The following KIAA0825 variants were observed in gnomAD, a reference collection of about 807,000 sequenced individuals.
KIAA0825 encodes KIAA0825.
KIAA0825 carries 119 observed loss-of-function variants against 147.6 expected under a neutral mutation model. That is an observed-to-expected ratio of 0.81 (90% CI 0.69 to 0.94). KIAA0825 has a LOEUF of 0.94. Among genes scored for constraint, KIAA0825 ranks in the 40% least tolerant of loss-of-function variants. The pLI is 0.00. For synonymous variants in KIAA0825, 470 were observed against 518.1 expected (o/e 0.91, Z 1.26); for missense variants, 1,381 against 1,472.7 (o/e 0.94, Z 1.02).
intron 14 of KIAA0825, among the ~76,000 whole-genome samples, chr5:94,425,115 G>A (rs1754684728): frequency 6.6e-6 from 1 of 152,118 alleles, no homozygotes; most frequent in Admixed American, 6.6e-5. Flanking sequence ...AGAAGGGAAT[G>A]TTTCTTAACT....
At chr5:94,160,893 G>A (rs1767516604) in intron 20 of KIAA0825, among the ~76,000 whole-genome samples, 1 of 152,064 alleles carries the variant, frequency 6.6e-6, no homozygotes, top group African/African-American at 2.4e-5. Flanking sequence ...AATCAGAGGG[G>A]AAAGTAATGT....
In KIAA0825 at chr5:94,396,701, G is replaced by GTT. The variant is rs199881348; in HGVS notation, c.2888-194_2888-193dup. 3.8e-3 allele frequency among the ~76,000 whole-genome samples: 555 copies of GTT among 145,214 alleles called. 5 individuals carry two copies. Among genetic ancestry groups the GTT allele is most frequent in the Middle Eastern group, 0.019 (5 of 270 alleles). On this transcript the variant is annotated intron_variant, in intron 16 of 20. Coordinates refer to ENST00000682413, the MANE Select transcript of KIAA0825 (RefSeq NM_001145678.3). ...CTAAAATTCCCCCAAATCAAAATCT[G>GTT]TTTTTTTTTTTCTCTCATAAATGAT...
In KIAA0825 at chr5:94,522,378, T is replaced by C. The variant is rs527838834; in HGVS notation, c.301-1461A>G. On this transcript the variant is annotated intron_variant, in intron 4 of 20. Coordinates refer to ENST00000682413, the MANE Select transcript of KIAA0825 (RefSeq NM_001145678.3). ...CTTAGATAGGACACATCAGCATTAC[T>C]GTAAATTCTATAAAGCAAATGAGTC... Among the ~76,000 whole-genome samples the C allele has an allele frequency of 2.6e-4, 40 of 151,894 alleles. 1 individual carries two copies. In the South Asian group the frequency reaches 4.3e-3, roughly 17 times the overall value.
intron 15 of KIAA0825, among the ~76,000 whole-genome samples, chr5:94,410,198 G>GAAAA (rs70978107): frequency 7.3e-6 from 1 of 137,132 alleles, no homozygotes. Context: ...AGACACTGCA[G>GAAAA]AAAAAAAAAA....
At chr5:94,420,792 T>C (rs1191836892) in intron 14 of KIAA0825, among the ~76,000 whole-genome samples, 1 of 152,152 alleles carries the variant, frequency 6.6e-6, no homozygotes, top group Non-Finnish European at 1.5e-5. Flanking sequence ...AACAATGTTT[T>C]AATGCTAAGG....
intron 2 of KIAA0825, among the ~76,000 whole-genome samples, chr5:94,563,219 G>T (rs1249946049): frequency 6.6e-6 from 1 of 151,804 alleles, no homozygotes; most frequent in African/African-American, 2.4e-5. Flanking sequence ...TCAGCTGGGC[G>T]TGGTGGTGGG....
At chr5:94,611,195 G>A (rs1788701221) in intron 1 of KIAA0825, among the ~76,000 whole-genome samples, 1 of 152,124 alleles carries the variant, frequency 6.6e-6, no homozygotes, top group Admixed American at 6.5e-5. Context: ...CAGGAAGCAT[G>A]ATAAAAAGAA....
At chr5:94,302,025 G>T (rs1187687996) in intron 20 of KIAA0825, among the ~76,000 whole-genome samples, 1 of 152,124 alleles carries the variant, frequency 6.6e-6, no homozygotes, top group African/African-American at 2.4e-5. Flanking sequence ...AGGCATAAAA[G>T]GTGATTGTTC....
intron 14 of KIAA0825, among the ~76,000 whole-genome samples, chr5:94,432,071 A>G (rs1755745411): frequency 6.6e-6 from 1 of 152,246 alleles, no homozygotes; most frequent in African/African-American, 2.4e-5. Flanking sequence ...AATAATTCAT[A>G]ATAGTTCATA....
At chr5:94,616,602 ATAGT>A (rs1345480889) in intron 1 of KIAA0825, among the ~76,000 whole-genome samples, 5 of 152,308 alleles carry the variant, frequency 3.3e-5, no homozygotes, top group South Asian at 2.1e-4. Context: ...GTCTAAAGAG[ATAGT>A]TAGCTGATAC....
At chr5:94,393,192 A>C (rs541182952) in intron 17 of KIAA0825, among the ~76,000 whole-genome samples, 1 of 152,340 alleles carries the variant, frequency 6.6e-6, no homozygotes, top group Non-Finnish European at 1.5e-5. Flanking sequence ...TCATGTCATT[A>C]GGGAGAATGT....
chr5:94,385,040 A>T (rs956702727), intron 19 of KIAA0825, among the ~76,000 whole-genome samples: 15 of 152,204 alleles, frequency 9.9e-5, no homozygotes, highest in Non-Finnish European at 1.9e-4. Flanking sequence ...ACTATGGAGA[A>T]AAATTACTGT....
At chr5:94,381,542 A>G (rs1748416222) in intron 20 of KIAA0825, among the ~76,000 whole-genome samples, 1 of 152,202 alleles carries the variant, frequency 6.6e-6, no homozygotes, top group South Asian at 2.1e-4. Flanking sequence ...GTTATATGCA[A>G]ATATGACACC....
chr5:94,537,647 CAAAAAAA>C (rs1162517096), intron 2 of KIAA0825, among the ~76,000 whole-genome samples: 35 of 68,024 alleles, frequency 5.1e-4, no homozygotes, highest in Admixed American at 3.5e-3. Flanking sequence ...GACTCTGTCT[CAAAAAAA>C]AAAAAAAAAA....
intron 20 of KIAA0825, among the ~76,000 whole-genome samples, chr5:94,328,879 A>G (rs1441237523): frequency 1.3e-5 from 2 of 152,144 alleles, no homozygotes; most frequent in Non-Finnish European, 2.9e-5. Flanking sequence ...AAAATTAGTT[A>G]TTAAACTAAA....
At chr5:94,525,599 A>G (rs1463606658) in intron 3 of KIAA0825, among the ~76,000 whole-genome samples, 1 of 151,966 alleles carries the variant, frequency 6.6e-6, no homozygotes, top group East Asian at 1.9e-4. Flanking sequence ...ATGGACAGAG[A>G]AACACAATGC....
At chr5:94,488,501 T>C (rs963654460) in intron 5 of KIAA0825, among the ~76,000 whole-genome samples, 13 of 152,126 alleles carry the variant, frequency 8.5e-5, no homozygotes, top group African/African-American at 3.1e-4. Context: ...TAATTTACCA[T>C]CAACTAGATG....
chr5:94,428,470 G>A (rs1185383723), intron 14 of KIAA0825, among the ~76,000 whole-genome samples: 2 of 152,126 alleles, frequency 1.3e-5, no homozygotes, highest in Non-Finnish European at 2.9e-5. Context: ...GTGCTTGCTT[G>A]TCTGGGAAAG....
intron 2 of KIAA0825, among the ~76,000 whole-genome samples, chr5:94,543,042 T>A (rs1561290900): frequency 1.3e-5 from 2 of 152,158 alleles, no homozygotes; most frequent in Admixed American, 1.3e-4. Flanking sequence ...GAATGTCACT[T>A]TCTAATAGAG....
Sources: allele counts gnomAD v4.1 joint callset (sites outside exome capture counted in the v4.1 genomes callset), GRCh38; gene constraint gnomAD v4.1.1; transcripts MANE v1.5; gene names NCBI Gene and HGNC (gene_info 2026-07-23, HGNC 2026-07-21).